TNIP1: variants seen among roughly 807,000 people sequenced by gnomAD.
TNIP1 encodes the protein TNFAIP3-interacting protein 1.
Under a neutral mutation model 86.6 loss-of-function variants are expected in TNIP1, and 22 were observed. The ratio of observed to expected loss-of-function variants is 0.25; its 90% CI spans 0.18 to 0.36. TNIP1 has a LOEUF of 0.36. TNIP1 is among the 10% of genes least tolerant of loss of function. The pLI is 1.00. For missense variants in TNIP1, 709 were observed against 820.6 expected (o/e 0.86, Z 1.66); for synonymous variants, 294 against 313.0 (o/e 0.94, Z 0.64).
rs781448985 is a variant in TNIP1, at chr5:151,056,818, T to G, written c.575A>C (p.Asn192Thr). The G allele has an allele frequency of 1.6e-5, 26 of 1,583,442 alleles. No individual in the cohort carries two copies. The highest frequency in any genetic ancestry group is 2.2e-5 in the Non-Finnish European group (26 of 1,164,592). The change falls in exon 6 of 18, where the codon AAC (asparagine) becomes ACC (threonine). Residue 192 changes from asparagine (N) to threonine (T), a missense_variant. Coordinates refer to ENST00000521591, the MANE Select transcript of TNIP1 (RefSeq NM_006058.5). Reference protein sequence around the residue: ...THLGRMALEFNRLASKVHKNE... With the variant: ...THLGRMALEFTRLASKVHKNE... ...CTTGTGCACCTTGGATGCCAGTCGG[T>G]TGAACTCCAGGGCCATGCGGCCCAG... is the stretch of plus-strand genomic sequence containing the variant.
At chr5:151,082,198 A>C (rs1327640115), upstream of TNIP1, among the ~76,000 whole-genome samples, 4 of 152,290 alleles carry the variant, frequency 2.6e-5, no homozygotes, top group East Asian at 7.7e-4. Context: ...TTATATACCT[A>C]ATCTGGGGAT....
intron 1 of TNIP1, chr5:151,080,350 C>A (rs1370958511): frequency 6.6e-6 from 1 of 152,186 alleles, no homozygotes; most frequent in Non-Finnish European, 1.5e-5. Context: ...GCTCCAAGTA[C>A]CTCGGTTTCC....
chr5:151,058,556 C>A (rs1487062001), intron 5 of TNIP1, among the ~76,000 whole-genome samples: 1 of 152,220 alleles, frequency 6.6e-6, no homozygotes, highest in Non-Finnish European at 1.5e-5. Flanking sequence ...TCCAGTTGGG[C>A]TCCCCACTTT....
rs1279821572 is a variant in TNIP1 at position 151,073,226 on chromosome 5, GAA to G, written c.-37+7652_-37+7653del. ...GACAGAGTGGGACTCCATCTCAAAA[GAA>G]AAAAAAAAAAAAAAAGGGGTGTTTG... On this transcript the variant is annotated intron_variant, in intron 1 of 17. Transcript: ENST00000521591. 9.6e-3 allele frequency among the ~76,000 whole-genome samples: 996 copies of G among 104,268 alleles called. 15 individuals carry two copies. Among genetic ancestry groups the G allele is most frequent in the African/African-American group, 0.041 (945 of 23,242 alleles). The allele number at this position is 104,268 out of a possible 152,430, so 68.4% of individuals were successfully genotyped here.
At chr5:151,049,523 C>T (rs962046078) in intron 8 of TNIP1, among the ~76,000 whole-genome samples, 6 of 152,106 alleles carry the variant, frequency 3.9e-5, no homozygotes, top group African/African-American at 9.7e-5. Context: ...AATGTGTTTA[C>T]GGAATGCACC....
chr5:151,058,112 G>A (rs992209799), intron 5 of TNIP1, among the ~76,000 whole-genome samples: 1 of 152,188 alleles, frequency 6.6e-6, no homozygotes, highest in South Asian at 2.1e-4. Context: ...GTTGAGACGG[G>A]GTTTCACCAC....
intron 1 of TNIP1, among the ~76,000 whole-genome samples, chr5:151,066,645 T>C (rs1179193637): frequency 1.3e-5 from 2 of 152,246 alleles, no homozygotes; most frequent in Non-Finnish European, 2.9e-5. Context: ...GTTTCAGATA[T>C]ACAATCTTGG....
intron 5 of TNIP1, among the ~76,000 whole-genome samples, chr5:151,057,672 G>T (rs757263793): frequency 1.3e-5 from 2 of 152,112 alleles, no homozygotes; most frequent in Non-Finnish European, 2.9e-5. Flanking sequence ...AGCAGAGATC[G>T]CACCACAGCA....
At chr5:151,084,327 C>G (rs1474196020), upstream of TNIP1, among the ~76,000 whole-genome samples, 1 of 151,882 alleles carries the variant, frequency 6.6e-6, no homozygotes, top group East Asian at 1.9e-4. Context: ...CGCCTGTAAT[C>G]CCAGCTACTC....
At chr5:151,032,763 G>T (rs1029903855) in intron 16 of TNIP1, 4 of 236,030 alleles carry the variant, frequency 1.7e-5, no homozygotes, top group African/African-American at 7.1e-5. Flanking sequence ...GATGCCTAAG[G>T]TGGGGCTGTG....
At chr5:151,084,551 C>T (rs955485905), upstream of TNIP1, among the ~76,000 whole-genome samples, 5 of 152,042 alleles carry the variant, frequency 3.3e-5, no homozygotes, top group South Asian at 2.1e-4. Context: ...GGAGGTCTTA[C>T]GTTGAGTTTG....
At chr5:151,032,516 C>A in intron 16 of TNIP1, 133 bp from the exon 17 acceptor site, 1 of 883,268 alleles carries the variant, frequency 1.1e-6, no homozygotes, top group Non-Finnish European at 1.8e-6. Context: ...GGCTGGCACT[C>A]CCATTTCACA....
At position 151,041,940 on chromosome 5, in the gene TNIP1, C is replaced by CTT. The variant is rs534852391; in HGVS notation, c.1134+598_1134+599dup. On this transcript the variant is annotated intron_variant, in intron 11 of 17. Transcript: ENST00000521591. ...TGCCATACAGCAGGCCTGCTTGGAT[C>CTT]TTTTTTTTTTTTTTTTTTAGCAAGA... Among the ~76,000 whole-genome samples the CTT allele has an allele frequency of 2.7e-4, 35 of 131,880 alleles. No individual in the cohort carries two copies. The East Asian group carries it at 3.6e-3, about 14-fold the overall frequency. The allele number at this position is 131,880 out of a possible 152,430, so 86.5% of individuals were successfully genotyped here.
At chr5:151,073,243 A>AG (rs57615918) in intron 1 of TNIP1, among the ~76,000 whole-genome samples, 29 of 149,256 alleles carry the variant, frequency 1.9e-4, no homozygotes, top group South Asian at 1.3e-3. Flanking sequence ...AAAAAAAAAA[A>AG]GGGGTGTTTG....
At chr5:151,049,186 T>C (rs931102895) in intron 8 of TNIP1, among the ~76,000 whole-genome samples, 3 of 152,072 alleles carry the variant, frequency 2.0e-5, no homozygotes, top group African/African-American at 4.8e-5. Context: ...TAAAAACACG[T>C]TGGTAAAGAG....
In TNIP1 at chr5:151,042,882, G is replaced by T. The variant is rs748089137; in HGVS notation, c.1002+14C>A. On this transcript the variant is annotated intron_variant, in intron 10 of 17. Transcript: ENST00000521591. Reference sequence around the variant, plus strand: ...AGGCATGCCCTGTGGGCGTGGCCAGGAACCCCACATTACCTTCTGCTCATA... The same window carrying T: ...AGGCATGCCCTGTGGGCGTGGCCAGTAACCCCACATTACCTTCTGCTCATA... 4 of 1,613,392 alleles carry T rather than the reference G, an allele frequency of 2.5e-6. No homozygotes were observed. Among genetic ancestry groups the T allele is most frequent in the Admixed American group, 1.7e-5 (1 of 60,026 alleles).
chr5:151,071,144 C>A (rs1341397589), intron 1 of TNIP1, among the ~76,000 whole-genome samples: 1 of 152,170 alleles, frequency 6.6e-6, no homozygotes, highest in Non-Finnish European at 1.5e-5. Context: ...AAGGACCAGG[C>A]TGGGCTCTCC....
At position 151,030,295 on chromosome 5, in the gene TNIP1, A is replaced by C; in HGVS notation, c.*418T>G. 2.6e-6 allele frequency: 1 copy of C among 379,746 alleles called. No homozygotes were observed. Among genetic ancestry groups the C allele is most frequent in the South Asian group, 2.0e-5 (1 of 50,862 alleles). 23.5% of individuals were successfully genotyped at this position (379,746 alleles called of 1,614,324 possible). A position where few individuals can be genotyped will look rare whatever the true frequency, so the allele number is the denominator to read the frequency against. On this transcript the variant is annotated 3_prime_UTR_variant, in exon 18 of 18. Transcript: ENST00000521591. Reference sequence around the variant, plus strand: ...GGGCAGGTCCTGCTACAGAGCTTGAAGCAAAAATTAAACACACACACAAAT... The same window carrying C: ...GGGCAGGTCCTGCTACAGAGCTTGACGCAAAAATTAAACACACACACAAAT...
intron 16 of TNIP1, 45 bp downstream of exon 16, chr5:151,033,563 C>T: frequency 1.6e-6 from 2 of 1,284,026 alleles, no homozygotes; most frequent in South Asian, 1.6e-5. Context: ...GTGTCTGGGG[C>T]AGCCTCTGTG....
Sources: allele counts gnomAD v4.1 joint callset (sites outside exome capture counted in the v4.1 genomes callset), GRCh38; gene constraint gnomAD v4.1.1; transcripts MANE v1.5; gene names NCBI Gene and HGNC (gene_info 2026-07-23, HGNC 2026-07-21).